Variants in RIMS2 observed in about 807,000 individuals in gnomAD.
The protein encoded by RIMS2 is regulating synaptic membrane exocytosis 2, also known as regulating synaptic membrane exocytosis protein 2.
Under a neutral mutation model 174.4 loss-of-function variants are expected in RIMS2, and 59 were observed. The observed-to-expected ratio is 0.34, with a 90% CI of 0.27 to 0.42. The LOEUF (loss-of-function observed/expected upper bound fraction) is 0.42. Ranked by LOEUF, RIMS2 falls within the 10% of genes least tolerant of loss-of-function variation. The pLI, the probability that RIMS2 is intolerant of heterozygous loss-of-function variation, is 1.00. For missense variants in RIMS2, 1,620 were observed against 1,666.3 expected, an observed-to-expected ratio of 0.97 and a Z score of 0.48; for synonymous variants, 606 against 572.5, an observed-to-expected ratio of 1.06 and a Z score of -0.84.
intron 3 of RIMS2, among the ~76,000 whole-genome samples, chr8:103,881,874 T>C (rs1490667826): frequency 6.6e-6 from 1 of 151,398 alleles, no homozygotes; most frequent in African/African-American, 2.4e-5. Flanking sequence ...ATTAGGTAAA[T>C]ATAAAGTGAA....
chr8:103,964,514 T>C (rs1156974189), intron 15 of RIMS2, among the ~76,000 whole-genome samples: 1 of 152,172 alleles, frequency 6.6e-6, no homozygotes, highest in Non-Finnish European at 1.5e-5. Context: ...AATTGGGTTG[T>C]TTGTTTTCTT....
intron 1 of RIMS2, among the ~76,000 whole-genome samples, chr8:103,623,483 T>TTG (rs1334438124): frequency 3.0e-5 from 4 of 132,896 alleles, no homozygotes; most frequent in Admixed American, 7.4e-5. Context: ...CTTCAGTTTT[T>TTG]TTTTTTTTTT....
At chr8:104,124,669 T>C (rs1409797875) in intron 19 of RIMS2, among the ~76,000 whole-genome samples, 1 of 152,186 alleles carries the variant, frequency 6.6e-6, no homozygotes, top group Admixed American at 6.5e-5. Context: ...AATTTAGAAA[T>C]TGTATACTTC....
intron 19 of RIMS2, among the ~76,000 whole-genome samples, chr8:104,059,875 T>C (rs1344440340): frequency 3.9e-5 from 6 of 152,234 alleles, no homozygotes; most frequent in Non-Finnish European, 7.3e-5. Context: ...ATTACATTTA[T>C]TGATTTGCGT....
At chr8:104,021,850 G>A (rs1194935402) in intron 19 of RIMS2, among the ~76,000 whole-genome samples, 1 of 152,176 alleles carries the variant, frequency 6.6e-6, no homozygotes, top group Non-Finnish European at 1.5e-5. Context: ...TCTCCCTGAA[G>A]GCTAAGAGAT....
At chr8:104,095,550 T>C (rs1443984588) in intron 19 of RIMS2, among the ~76,000 whole-genome samples, 2 of 152,150 alleles carry the variant, frequency 1.3e-5, no homozygotes. Context: ...TATGAAGCTA[T>C]CTTTACAGTA....
intron 16 of RIMS2, among the ~76,000 whole-genome samples, chr8:103,984,656 C>T (rs2094202314): frequency 6.6e-6 from 1 of 152,126 alleles, no homozygotes; most frequent in African/African-American, 2.4e-5. Flanking sequence ...CCTCAAAAAA[C>T]TAAAAATAGA....
chr8:103,743,895 CATTG>C (rs1406544382), intron 2 of RIMS2, among the ~76,000 whole-genome samples: 1 of 151,460 alleles, frequency 6.6e-6, no homozygotes, highest in Non-Finnish European at 1.5e-5. Flanking sequence ...GCTTTTTCTT[CATTG>C]ATTGAGAGAA....
chr8:104,028,732 C>G (rs1486476045), intron 19 of RIMS2, among the ~76,000 whole-genome samples: 1 of 152,180 alleles, frequency 6.6e-6, no homozygotes, highest in Non-Finnish European at 1.5e-5. Flanking sequence ...TATAAATTTT[C>G]AAGACCAGCT....
At chr8:104,235,985 G>C (rs1173860490) in intron 19 of RIMS2, among the ~76,000 whole-genome samples, 1 of 151,628 alleles carries the variant, frequency 6.6e-6, no homozygotes, top group Non-Finnish European at 1.5e-5. Flanking sequence ...ATCTAAAACA[G>C]TACTTTCCCT....
intron 13 of RIMS2, among the ~76,000 whole-genome samples, chr8:103,937,796 A>C (rs761769947): frequency 5.9e-5 from 9 of 152,216 alleles, no homozygotes; most frequent in African/African-American, 1.7e-4. Context: ...AGACCAGGGC[A>C]TGTCCCTTAA....
At chr8:104,152,827 T>C (rs1353857987) in intron 19 of RIMS2, among the ~76,000 whole-genome samples, 1 of 152,150 alleles carries the variant, frequency 6.6e-6, no homozygotes, top group Non-Finnish European at 1.5e-5. Flanking sequence ...TCCTGGTCTC[T>C]ATGTGAAGAT....
intron 3 of RIMS2, among the ~76,000 whole-genome samples, chr8:103,872,520 A>T (rs1269346813): frequency 6.6e-6 from 1 of 152,230 alleles, no homozygotes; most frequent in Non-Finnish European, 1.5e-5. Context: ...TCATGTAAAA[A>T]GAAGTCTGGA....
intron 1 of RIMS2, among the ~76,000 whole-genome samples, chr8:103,533,432 G>A (rs1256439812): frequency 1.3e-5 from 2 of 151,942 alleles, no homozygotes; most frequent in African/African-American, 2.4e-5. Context: ...GTTTTAATAA[G>A]CCTCTGAATA....
At chr8:103,707,612 G>C (rs552101966) in intron 2 of RIMS2, among the ~76,000 whole-genome samples, 1 of 152,280 alleles carries the variant, frequency 6.6e-6, no homozygotes, top group African/African-American at 2.4e-5. Flanking sequence ...AGTGAAAGGG[G>C]TCCCTCTCAG....
intron 14 of RIMS2, among the ~76,000 whole-genome samples, chr8:103,951,248 C>T (rs12156323): frequency 0.2 from 30,934 of 152,172 alleles, 3,484 homozygotes; most frequent in Non-Finnish European, 0.24. Flanking sequence ...CTATGACAAA[C>T]CCATAGCCAA....
intron 2 of RIMS2, among the ~76,000 whole-genome samples, chr8:103,700,766 G>C (rs1015996583): frequency 1.3e-5 from 2 of 151,468 alleles, no homozygotes; most frequent in Non-Finnish European, 3.0e-5. Context: ...TTTCTCCTTT[G>C]TTGGCTCAAT....
At chr8:103,567,197 A>C (rs1196024078) in intron 1 of RIMS2, among the ~76,000 whole-genome samples, 2 of 152,184 alleles carry the variant, frequency 1.3e-5, no homozygotes, top group African/African-American at 4.8e-5. Context: ...GCACATATAA[A>C]ATTTTACCGT....
At chr8:104,241,774 T>G (rs1457674074) in intron 19 of RIMS2, among the ~76,000 whole-genome samples, 2 of 151,844 alleles carry the variant, frequency 1.3e-5, no homozygotes, top group Non-Finnish European at 2.9e-5. Flanking sequence ...GTTTGTTTGT[T>G]TTTGAGACAC....
Sources: allele counts gnomAD v4.1 joint callset (sites outside exome capture counted in the v4.1 genomes callset), GRCh38; gene constraint gnomAD v4.1.1; transcripts MANE v1.5; gene names NCBI Gene and HGNC (gene_info 2026-07-23, HGNC 2026-07-21).